COL12A1: variants seen among roughly 807,000 people sequenced by gnomAD.
COL12A1 encodes collagen type XII alpha 1 chain.
Under a neutral mutation model 349.7 loss-of-function variants are expected in COL12A1, and 114 were observed. The ratio of observed to expected loss-of-function variants is 0.33; its 90% confidence interval spans 0.28 to 0.38. The LOEUF (loss-of-function observed/expected upper bound fraction) is 0.38, where lower values mean the gene tolerates loss of function less well. Among genes scored for constraint, COL12A1 ranks in the 10% least tolerant of loss-of-function variants. The pLI, the probability that COL12A1 is intolerant of heterozygous loss-of-function variation, is 1.00. For synonymous variants in COL12A1, 1,369 were observed against 1,329.0 expected (o/e 1.03, Z -0.66); for missense variants, 3,284 against 3,756.9 (o/e 0.87, Z 3.29).
At position 75,122,179 on chromosome 6, in the gene COL12A1, T is replaced by C. The variant is rs997673320; in HGVS notation, c.6947-738A>G. Among the ~76,000 whole-genome samples, 17 of 152,304 alleles carry C rather than the reference T, an allele frequency of 1.1e-4. 1 individual carries two copies. The highest frequency in any genetic ancestry group is 2.6e-4 in the African/African-American group (11 of 41,566). On this transcript the variant is annotated intron_variant, in intron 43 of 65. Coordinates refer to ENST00000322507, the MANE Select transcript of COL12A1 (RefSeq NM_004370.6). ...AATTTAAATTAAGCCACTAGAATCA[T>C]ATGCAGGAAAGGAGAAGATTTTTAT...
intron 3 of COL12A1, 114 bp downstream of exon 3, chr6:75,194,717 A>T (rs1770129539): frequency 1.6e-6 from 1 of 618,564 alleles, no homozygotes; most frequent in Admixed American, 2.9e-5. Context: ...ACATGGATCA[A>T]ATCCCTCAGG....
chr6:75,177,511 A>AT (rs1562282409), intron 12 of COL12A1, 152 bp downstream of exon 12: 2 of 806,150 alleles, frequency 2.5e-6, no homozygotes, highest in East Asian at 5.7e-5. Context: ...TAAAAAAAAA[A>AT]TTTTAACTTA....
intron 60 of COL12A1, 70 bp downstream of exon 60, chr6:75,095,038 G>T: frequency 1.5e-6 from 2 of 1,366,332 alleles, no homozygotes; most frequent in Non-Finnish European, 2.1e-6. Flanking sequence ...ATATAACAAA[G>T]CTTTGCAGTT....
In COL12A1 at chr6:75,189,721, A is replaced by G. The variant is rs1301321074; in HGVS notation, c.489T>C (p.Ile163=). The change falls in exon 6 of 66, where the codon ATT becomes ATC. Residue 163 remains isoleucine, a synonymous_variant. Transcript: ENST00000322507. The part of the protein sequence containing the change: ...RNNFKYILDF[I]AALVSAFDIG... ...TGTCAAAAGCAGACACAAGAGCAGC[A>G]ATGAAGTCTAAAATGTACTTGAAAT... 1.9e-6 allele frequency: 3 copies of G among 1,613,398 alleles called. No individual in the cohort carries two copies. Among genetic ancestry groups the G allele is most frequent in the Admixed American group, 3.3e-5 (2 of 59,926 alleles).
At chr6:75,145,497 A>G in intron 24 of COL12A1, 42 bp from the exon 25 acceptor site, 1 of 1,590,406 alleles carries the variant, frequency 6.3e-7, no homozygotes, top group Non-Finnish European at 8.6e-7. Flanking sequence ...TATTCAAATC[A>G]AACTTTTCCA....
chr6:75,202,198 C>A (rs1770563075), intron 2 of COL12A1, among the ~76,000 whole-genome samples: 2 of 152,246 alleles, frequency 1.3e-5, no homozygotes, highest in South Asian at 4.1e-4. Flanking sequence ...CTGCCCGCAC[C>A]GTCCGCCCCG....
chr6:75,094,788 C>G (rs1279668226), intron 60 of COL12A1, among the ~76,000 whole-genome samples: 1 of 152,090 alleles, frequency 6.6e-6, no homozygotes, highest in Non-Finnish European at 1.5e-5. Context: ...AGCAGCATAC[C>G]ACTCCTAAGT....
chr6:75,134,637 T>C (rs1766490139), intron 32 of COL12A1, 89 bp downstream of exon 32: 1 of 1,212,456 alleles, frequency 8.2e-7, no homozygotes, highest in Admixed American at 2.7e-5. Flanking sequence ...TAGTAAAACT[T>C]TGTGTCACCC....
intron 14 of COL12A1, among the ~76,000 whole-genome samples, chr6:75,161,202 G>T (rs1768010089): frequency 6.6e-6 from 1 of 152,136 alleles, no homozygotes; most frequent in South Asian, 2.1e-4. Context: ...TGGAGAGGAT[G>T]TGCAAACTCC....
intron 2 of COL12A1, among the ~76,000 whole-genome samples, chr6:75,202,119 C>A (rs544176507): frequency 3.4e-4 from 52 of 152,344 alleles, no homozygotes; most frequent in African/African-American, 1.2e-3. Flanking sequence ...CTAGGTCGTG[C>A]GAACACCTGG....
In COL12A1 at chr6:75,125,111, A is replaced by T. The variant is rs1765949105; in HGVS notation, c.6607+16T>A. The T allele has an allele frequency of 1.3e-6, 2 of 1,560,868 alleles. No homozygotes were observed. The highest frequency in any genetic ancestry group is 2.7e-5 in the African/African-American group (2 of 73,076). ...CTACAGTTTTTCTCACAACCATGAAAATATCCATGACTCACATGTAGTGCC... is the reference window on the plus strand; with the variant it reads ...CTACAGTTTTTCTCACAACCATGAATATATCCATGACTCACATGTAGTGCC... On this transcript the variant is annotated intron_variant, in intron 40 of 65. Coordinates refer to ENST00000322507, the MANE Select transcript of COL12A1 (RefSeq NM_004370.6).
In COL12A1 at chr6:75,183,452, A is replaced by T; in HGVS notation, c.1489T>A (p.Phe497Ile). Residue 497 changes from phenylalanine to isoleucine, a missense_variant, in exon 10 of 66, where the codon TTC (phenylalanine) becomes ATC (isoleucine). Physicochemically the swap from Phe to Ile is conservative, Grantham distance 21. Coordinates refer to ENST00000322507, the MANE Select transcript of COL12A1 (RefSeq NM_004370.6). ...TCAATTATATCTTCAACTTTGGTGAATTTTTTCAAAGTGAACTCAGTATGA... is the reference window on the plus strand; with the variant it reads ...TCAATTATATCTTCAACTTTGGTGATTTTTTTCAAAGTGAACTCAGTATGA... Reference protein sequence around the residue: ...DPHTEFTLKKFTKVEDIIEAI... With the variant: ...DPHTEFTLKKITKVEDIIEAI... 1 of 1,614,130 alleles carries T rather than the reference A, an allele frequency of 6.2e-7. No individual in the cohort carries two copies. Among genetic ancestry groups the T allele is most frequent in the Non-Finnish European group, 8.5e-7 (1 of 1,180,030 alleles).
chr6:75,152,654 A>G (rs980153384), intron 17 of COL12A1, among the ~76,000 whole-genome samples, 172 bp from the exon 18 acceptor site: 2 of 152,098 alleles, frequency 1.3e-5, no homozygotes, highest in African/African-American at 4.8e-5. Flanking sequence ...TGATTTATTA[A>G]CCTCAATTAA....
intron 11 of COL12A1, among the ~76,000 whole-genome samples, chr6:75,179,687 C>T (rs1039698762): frequency 3.9e-5 from 6 of 152,204 alleles, no homozygotes; most frequent in Non-Finnish European, 7.3e-5. Context: ...ATTCCTCACA[C>T]TATTCTTTCA....
At chr6:75,158,000 G>C (rs1767845625) in intron 14 of COL12A1, among the ~76,000 whole-genome samples, 1 of 152,100 alleles carries the variant, frequency 6.6e-6, no homozygotes, top group South Asian at 2.1e-4. Context: ...TAACTTAACT[G>C]TATTCCAGAA....
intron 54 of COL12A1, among the ~76,000 whole-genome samples, chr6:75,104,424 T>C (rs1418209687): frequency 6.6e-6 from 1 of 152,206 alleles, no homozygotes; most frequent in African/African-American, 2.4e-5. Context: ...TGGCTTGTAA[T>C]TAACCTAAAA....
In COL12A1 at chr6:75,138,470, G is replaced by T. The variant is rs776561287; in HGVS notation, c.5208C>A (p.Asp1736Glu). 1.6e-5 allele frequency: 26 copies of T among 1,613,794 alleles called. No homozygotes were observed. Among genetic ancestry groups the T allele is most frequent in the Non-Finnish European group, 2.1e-5 (25 of 1,179,930 alleles). ...AIYPDESESDDLIGSERTLPI... is the reference protein window; with the variant it reads ...AIYPDESESDELIGSERTLPI... Reference sequence around the variant, plus strand: ...TACGTGTGCGCTCACTGCCAATCAGGTCATCACTTTCTGACTCATCAGGAT... The same window carrying T: ...TACGTGTGCGCTCACTGCCAATCAGTTCATCACTTTCTGACTCATCAGGAT... Residue 1736 changes from aspartate (D) to glutamate (E), a missense_variant, in exon 29 of 66, where the codon GAC (aspartate) becomes GAA (glutamate). Physicochemically the swap from Asp to Glu is conservative, Grantham distance 45 (BLOSUM62 2). This residue lies in a region of COL12A1 where 2,601 missense variants were observed against 2,824.8 expected (regional missense o/e 0.92). Transcript: ENST00000322507.
intron 16 of COL12A1, 21 bp from the exon 17 acceptor site, chr6:75,154,558 T>C (rs1767658577): frequency 6.3e-7 from 1 of 1,584,832 alleles, no homozygotes; most frequent in Non-Finnish European, 8.6e-7. Context: ...AAAGTATATA[T>C]ATAGCCTGTG....
intron 17 of COL12A1, among the ~76,000 whole-genome samples, chr6:75,153,848 G>C (rs1199448831): frequency 6.6e-6 from 1 of 152,042 alleles, no homozygotes; most frequent in African/African-American, 2.4e-5. Context: ...TCCTTCCCAA[G>C]TCATAGTTGC....
Sources: allele counts gnomAD v4.1 joint callset (sites outside exome capture counted in the v4.1 genomes callset), GRCh38; gene constraint gnomAD v4.1.1; regional missense constraint gnomAD v4.1.1; transcripts MANE v1.5; gene names NCBI Gene and HGNC (gene_info 2026-07-23, HGNC 2026-07-21).